ITGA9: variants seen among roughly 807,000 people sequenced by gnomAD.
The protein encoded by ITGA9 is integrin subunit alpha 9.
ITGA9 carries 56 observed loss-of-function variants against 127.8 expected under a neutral mutation model. The observed-to-expected ratio is 0.44, with a 90% CI of 0.35 to 0.55. The LOEUF is 0.55. Among genes scored for constraint, ITGA9 ranks in the 20% least tolerant of loss-of-function variants. ITGA9 has a pLI of 0.00. For missense variants in ITGA9, 1,196 were observed against 1,347.1 expected, an observed-to-expected ratio of 0.89 and a Z score of 1.76; for synonymous variants, 508 against 514.5, an observed-to-expected ratio of 0.99 and a Z score of 0.17.
At chr3:37,475,106 C>T (rs1001749287) in intron 3 of ITGA9, among the ~76,000 whole-genome samples, 7 of 152,228 alleles carry the variant, frequency 4.6e-5, no homozygotes, top group East Asian at 1.9e-4. Context: ...ATGGCTGGCC[C>T]TGGACCCTCT....
At chr3:37,606,795 C>T (rs1190949424) in intron 15 of ITGA9, among the ~76,000 whole-genome samples, 1 of 152,040 alleles carries the variant, frequency 6.6e-6, no homozygotes, top group Admixed American at 6.5e-5. Flanking sequence ...TGTTTGATCT[C>T]GTTGGGCCCT....
intron 15 of ITGA9, among the ~76,000 whole-genome samples, chr3:37,544,818 C>A (rs911326645): frequency 6.6e-6 from 1 of 152,170 alleles, no homozygotes. Context: ...GTCTCTGAGA[C>A]CTTTATGGTT....
At chr3:37,593,851 G>C (rs1329333584) in intron 15 of ITGA9, among the ~76,000 whole-genome samples, 4 of 151,376 alleles carry the variant, frequency 2.6e-5, no homozygotes, top group Admixed American at 2.6e-4. Flanking sequence ...GATGCCTGCT[G>C]TCCTCGTGTG....
intron 18 of ITGA9, among the ~76,000 whole-genome samples, chr3:37,691,051 A>G (rs1700827138): frequency 6.6e-6 from 1 of 152,240 alleles, no homozygotes; most frequent in Admixed American, 6.5e-5. Flanking sequence ...TATATTCTCC[A>G]GTACTCCTGC....
chr3:37,466,969 G>A (rs1399205938), intron 1 of ITGA9, among the ~76,000 whole-genome samples: 1 of 152,206 alleles, frequency 6.6e-6, no homozygotes, highest in African/African-American at 2.4e-5. Flanking sequence ...CATCTTTTCA[G>A]TGGCTTGTTC....
At chr3:37,467,146 C>G (rs1698381873) in intron 1 of ITGA9, among the ~76,000 whole-genome samples, 1 of 152,148 alleles carries the variant, frequency 6.6e-6, no homozygotes, top group Non-Finnish European at 1.5e-5. Context: ...CCACGATGTT[C>G]TGTAAACACA....
At chr3:37,656,969 T>C (rs1320330722) in intron 17 of ITGA9, among the ~76,000 whole-genome samples, 1 of 152,040 alleles carries the variant, frequency 6.6e-6, no homozygotes, top group African/African-American at 2.4e-5. Context: ...TTTTCATTGG[T>C]TCTGTTTATG....
chr3:37,654,554 T>C (rs1437219698), intron 17 of ITGA9, among the ~76,000 whole-genome samples: 1 of 152,214 alleles, frequency 6.6e-6, no homozygotes, highest in East Asian at 1.9e-4. Context: ...ATTAGTTTTA[T>C]TACCATTTCT....
At chr3:37,663,831 GTTTTCTCC>G (rs1700560353) in intron 17 of ITGA9, among the ~76,000 whole-genome samples, 1 of 152,114 alleles carries the variant, frequency 6.6e-6, no homozygotes, top group Admixed American at 6.5e-5. Flanking sequence ...ATCTCTGCCT[GTTTTCTCC>G]TCTGTGAAAT....
chr3:37,609,345 A>G (rs968739101), intron 15 of ITGA9, among the ~76,000 whole-genome samples: 8 of 152,186 alleles, frequency 5.3e-5, no homozygotes, highest in South Asian at 2.1e-4. Context: ...ATCTAAAGAA[A>G]AATTGTAAGC....
At chr3:37,713,299 GCTGC>G (rs1701098487) in intron 18 of ITGA9, among the ~76,000 whole-genome samples, 3 of 152,168 alleles carry the variant, frequency 2.0e-5, no homozygotes, top group Non-Finnish European at 4.4e-5. Context: ...ACCTTTTAGT[GCTGC>G]CTAAGTGTAA....
chr3:37,681,803 C>T (rs1386379871), intron 17 of ITGA9, among the ~76,000 whole-genome samples: 1 of 152,100 alleles, frequency 6.6e-6, no homozygotes, highest in Non-Finnish European at 1.5e-5. Flanking sequence ...TCACTCACCC[C>T]TGTCCTGGGC....
At chr3:37,733,137 T>C in intron 19 of ITGA9, 1 of 358,796 alleles carries the variant, frequency 2.8e-6, no homozygotes, top group Non-Finnish European at 5.4e-6. Flanking sequence ...CCTCTTTGAG[T>C]CCCCTAGACA....
At chr3:37,689,408 T>C (rs1700810472) in intron 18 of ITGA9, among the ~76,000 whole-genome samples, 2 of 152,198 alleles carry the variant, frequency 1.3e-5, no homozygotes, top group African/African-American at 4.8e-5. Flanking sequence ...TGGTGGCTAC[T>C]CTGCTGGCTG....
intron 15 of ITGA9, among the ~76,000 whole-genome samples, chr3:37,579,688 CAT>C (rs1312457707): frequency 1.3e-5 from 2 of 152,166 alleles, no homozygotes; most frequent in African/African-American, 4.8e-5. Flanking sequence ...TGAAGAACCT[CAT>C]GTGTGAACCT....
intron 23 of ITGA9, among the ~76,000 whole-genome samples, chr3:37,757,433 CAAG>C (rs1264340615): frequency 2.6e-5 from 4 of 151,744 alleles, no homozygotes. Context: ...GAGGCTAAGG[CAAG>C]AAGATCCTTG....
intron 18 of ITGA9, among the ~76,000 whole-genome samples, chr3:37,714,153 C>G (rs743394): frequency 0.48 from 72,339 of 152,048 alleles, 17,467 homozygotes; most frequent in South Asian, 0.6. Flanking sequence ...ATGGATATTG[C>G]CAAGTAGCCT....
At chr3:37,683,476 C>T (rs1700752556) in intron 17 of ITGA9, among the ~76,000 whole-genome samples, 1 of 152,200 alleles carries the variant, frequency 6.6e-6, no homozygotes, top group Non-Finnish European at 1.5e-5. Flanking sequence ...GCTACCAGGA[C>T]TCTGTTTTCT....
intron 15 of ITGA9, among the ~76,000 whole-genome samples, chr3:37,613,945 C>T (rs1700048989): frequency 6.6e-6 from 1 of 152,208 alleles, no homozygotes; most frequent in Non-Finnish European, 1.5e-5. Flanking sequence ...GTTTCTTTTG[C>T]TGTGCAGAAG....
Sources: allele counts gnomAD v4.1 joint callset (sites outside exome capture counted in the v4.1 genomes callset), GRCh38; gene constraint gnomAD v4.1.1; transcripts MANE v1.5; gene names NCBI Gene and HGNC (gene_info 2026-07-23, HGNC 2026-07-21).